C8orf34: variants seen among roughly 807,000 people sequenced by gnomAD.
C8orf34 encodes the protein uncharacterized protein C8orf34.
Under a neutral mutation model 68.3 loss-of-function variants are expected in C8orf34, and 65 were observed. The ratio of observed to expected loss-of-function variants is 0.95; its 90% CI spans 0.78 to 1.17. The LOEUF is 1.17. Among genes scored for constraint, C8orf34 ranks in the 50% most tolerant of loss-of-function variants. The probability of loss-of-function intolerance (pLI) is 0.00; values close to 1 mark genes in which losing one functional copy is unlikely to be tolerated. For missense variants in C8orf34, 664 were observed against 655.4 expected, an observed-to-expected ratio of 1.01 and a Z score of -0.14; for synonymous variants, 244 against 241.2, an observed-to-expected ratio of 1.01 and a Z score of -0.11.
At chr8:68,416,961 A>AT (rs1209867648) in intron 1 of C8orf34, among the ~76,000 whole-genome samples, 8 of 152,154 alleles carry the variant, frequency 5.3e-5, no homozygotes, top group South Asian at 4.1e-4. Flanking sequence ...CTGAGTAAAC[A>AT]TTCTAGCACC....
At chr8:68,531,489 C>T (rs1426214641) in intron 6 of C8orf34, among the ~76,000 whole-genome samples, 4 of 152,010 alleles carry the variant, frequency 2.6e-5, no homozygotes, top group Non-Finnish European at 4.4e-5. Context: ...TGATTAAATT[C>T]AGATTAGATA....
At chr8:68,700,292 G>A (rs947004000) in intron 8 of C8orf34, among the ~76,000 whole-genome samples, 2 of 152,158 alleles carry the variant, frequency 1.3e-5, no homozygotes, top group South Asian at 2.1e-4. Context: ...ATCTGGGAGG[G>A]ATCTGAGAGA....
At chr8:68,669,780 G>A (rs2130837544) in intron 8 of C8orf34, among the ~76,000 whole-genome samples, 1 of 152,330 alleles carries the variant, frequency 6.6e-6, no homozygotes, top group African/African-American at 2.4e-5. Context: ...TTCCAAGGAA[G>A]AGCTACAAAC....
intron 12 of C8orf34, among the ~76,000 whole-genome samples, chr8:68,804,498 G>A (rs955221492): frequency 2.0e-5 from 3 of 151,998 alleles, no homozygotes; most frequent in Non-Finnish European, 4.4e-5. Context: ...AAAACAACTG[G>A]GTTTAATTCA....
chr8:68,375,556 C>T (rs994554210), intron 1 of C8orf34, among the ~76,000 whole-genome samples: 15 of 152,132 alleles, frequency 9.9e-5, no homozygotes, highest in African/African-American at 3.4e-4. Flanking sequence ...ATACTGGCAC[C>T]TTTCACAATT....
chr8:68,478,278 G>A (rs1432731155), intron 4 of C8orf34, among the ~76,000 whole-genome samples: 2 of 152,056 alleles, frequency 1.3e-5, no homozygotes, highest in African/African-American at 4.8e-5. Flanking sequence ...CTTTACTAAA[G>A]CATAGCAAGA....
chr8:68,546,453 T>C (rs1815884085), intron 7 of C8orf34, among the ~76,000 whole-genome samples: 1 of 151,696 alleles, frequency 6.6e-6, no homozygotes, highest in Admixed American at 6.6e-5. Context: ...CAATTCTAAA[T>C]GTATATGCAT....
At chr8:68,448,967 C>T (rs183350241) in intron 3 of C8orf34, among the ~76,000 whole-genome samples, 145 of 152,020 alleles carry the variant, frequency 9.5e-4, no homozygotes, top group African/African-American at 2.9e-3. Context: ...AATACTAAAG[C>T]GTTATGCACC....
At chr8:68,362,766 A>G (rs1485620509) in intron 1 of C8orf34, among the ~76,000 whole-genome samples, 7 of 151,508 alleles carry the variant, frequency 4.6e-5, no homozygotes, top group Admixed American at 3.3e-4. Flanking sequence ...TCAAAGACCA[A>G]AAGTAGATAA....
At position 68,608,561 on chromosome 8, in the gene C8orf34, A is replaced by G. The variant is rs147714938; in HGVS notation, c.1106-31815A>G. 5.8e-3 allele frequency among the ~76,000 whole-genome samples: 885 copies of G among 151,680 alleles called. 6 individuals are homozygous for G. The highest frequency in any genetic ancestry group is 0.021 in the African/African-American group (850 of 41,344). On this transcript the variant is annotated intron_variant, in intron 7 of 13. Coordinates refer to ENST00000518698, the MANE Select transcript of C8orf34 (RefSeq NM_052958.4). ...GACGGAAATTGGAAGTAGCCACTCC[A>G]TGATACTAGATCATAGGCCGAAGCA...
chr8:68,606,002 T>C (rs1817843218), intron 7 of C8orf34, among the ~76,000 whole-genome samples: 1 of 152,062 alleles, frequency 6.6e-6, no homozygotes, highest in Non-Finnish European at 1.5e-5. Context: ...TACTTTCTGC[T>C]CAGTTTCGCT....
chr8:68,577,584 T>C (rs1178205664), intron 7 of C8orf34, among the ~76,000 whole-genome samples: 1 of 151,954 alleles, frequency 6.6e-6, no homozygotes, highest in Non-Finnish European at 1.5e-5. Flanking sequence ...CAAATGTAGA[T>C]AGCACTCATT....
At chr8:68,480,030 C>T (rs750953999) in intron 4 of C8orf34, among the ~76,000 whole-genome samples, 48 of 152,074 alleles carry the variant, frequency 3.2e-4, no homozygotes, top group Admixed American at 9.2e-4. Context: ...CTATTTAGCC[C>T]GTAACAGAAA....
intron 7 of C8orf34, among the ~76,000 whole-genome samples, chr8:68,556,417 T>A (rs1338977180): frequency 1.3e-5 from 2 of 151,618 alleles, no homozygotes; most frequent in Non-Finnish European, 2.9e-5. Context: ...TTATTCTAAA[T>A]AATTTTTTGT....
chr8:68,337,790 C>T (rs1457789150), intron 1 of C8orf34, among the ~76,000 whole-genome samples: 1 of 152,146 alleles, frequency 6.6e-6, no homozygotes, highest in African/African-American at 2.4e-5. Flanking sequence ...CAATAAATAG[C>T]TACAAATCTG....
In C8orf34 at chr8:68,487,987, TA is replaced by T. The variant is rs777239006; in HGVS notation, c.737-32del. On this transcript the variant is annotated intron_variant, in intron 4 of 13. Transcript: ENST00000518698. The stretch of plus-strand genomic sequence containing the variant: ...ACATTAGGTTACTAAAGATTGCTTC[TA>T]AAACTTTTTTTTATAAATCTCTTTT... 3 of 1,509,062 alleles carry T rather than the reference TA, an allele frequency of 2.0e-6. No individual in the cohort carries two copies. In the Admixed American group the frequency reaches 5.6e-5, roughly 28 times the overall value. 93.5% of individuals were successfully genotyped at this position (1,509,062 alleles called of 1,614,324 possible).
chr8:68,709,269 G>T (rs1821265568), intron 9 of C8orf34, among the ~76,000 whole-genome samples, 190 bp downstream of exon 9: 1 of 152,304 alleles, frequency 6.6e-6, no homozygotes, highest in Admixed American at 6.5e-5. Context: ...AGAAGGAATT[G>T]AGAAGTGTGG....
At chr8:68,507,098 A>G (rs1259853440) in intron 5 of C8orf34, among the ~76,000 whole-genome samples, 2 of 152,230 alleles carry the variant, frequency 1.3e-5, no homozygotes, top group Non-Finnish European at 2.9e-5. Flanking sequence ...TGAATATGCC[A>G]TAATTCCATT....
intron 10 of C8orf34, among the ~76,000 whole-genome samples, chr8:68,732,487 T>G (rs1028675814): frequency 3.9e-5 from 6 of 152,180 alleles, no homozygotes. Context: ...TCCTATTGAC[T>G]TGTTGATATT....
Sources: gnomAD v4.1 joint callset for allele counts (sites outside exome capture counted in the v4.1 genomes callset) on GRCh38, gnomAD v4.1.1 for gene constraint, MANE v1.5 for transcripts, NCBI Gene and HGNC (gene_info 2026-07-23, HGNC 2026-07-21) for gene names.